Variants in CCDC148 observed in about 807,000 individuals in gnomAD.
The protein encoded by CCDC148 is coiled-coil domain-containing protein 148.
In CCDC148, 89 loss-of-function variants were observed where a neutral mutation model predicts 85.7. That is an observed-to-expected ratio of 1.04 (90% confidence interval 0.87 to 1.24). CCDC148 has a LOEUF of 1.24. CCDC148 is among the 50% of genes most tolerant of loss of function. The pLI is 0.00. For synonymous variants in CCDC148, 230 were observed against 213.9 expected, an observed-to-expected ratio of 1.08 and a Z score of -0.66; for missense variants, 692 against 671.7, an observed-to-expected ratio of 1.03 and a Z score of -0.33.
intron 10 of CCDC148, among the ~76,000 whole-genome samples, chr2:158,227,418 G>A (rs991505896): frequency 6.6e-6 from 1 of 152,000 alleles, no homozygotes; most frequent in African/African-American, 2.4e-5. Flanking sequence ...TCCCCATCAA[G>A]CTACCAATGA....
chr2:158,231,810 C>T lies in CCDC148; in HGVS notation c.1252-11097G>A, dbSNP rs188762801. ...GAATAACAAAGTTGTACATGGGAAC[C>T]GGGCCAACAGTTTTCTTTTCAGGAT... On this transcript the variant is annotated intron_variant, in intron 10 of 13. Transcript: ENST00000283233. Among the ~76,000 whole-genome samples, 207 of 152,230 alleles carry T rather than the reference C, an allele frequency of 1.4e-3. 1 individual carries two copies. Among genetic ancestry groups the T allele is most frequent in the Non-Finnish European group, 2.5e-3 (172 of 67,994 alleles).
intron 1 of CCDC148, among the ~76,000 whole-genome samples, chr2:158,426,049 A>C (rs1210533554): frequency 6.6e-6 from 1 of 151,910 alleles, no homozygotes. Flanking sequence ...AATTATAATC[A>C]TAACACCATG....
intron 1 of CCDC148, among the ~76,000 whole-genome samples, chr2:158,435,952 T>C (rs975715790): frequency 6.6e-6 from 1 of 152,120 alleles, no homozygotes; most frequent in African/African-American, 2.4e-5. Flanking sequence ...ATGCACCCAA[T>C]ACAGGAGCAC....
intron 9 of CCDC148, among the ~76,000 whole-genome samples, chr2:158,308,449 T>C (rs1691802195): frequency 6.8e-6 from 1 of 146,960 alleles, no homozygotes; most frequent in African/African-American, 2.5e-5. Flanking sequence ...GCTTATGCAA[T>C]GTCAAAAGAA....
chr2:158,258,894 G>T (rs758477055), intron 9 of CCDC148, among the ~76,000 whole-genome samples: 1 of 151,706 alleles, frequency 6.6e-6, no homozygotes, highest in Non-Finnish European at 1.5e-5. Flanking sequence ...AGTTTCTACT[G>T]CTCATGGGGT....
chr2:158,390,672 G>A (rs1225938597), intron 1 of CCDC148, among the ~76,000 whole-genome samples: 2 of 152,192 alleles, frequency 1.3e-5, no homozygotes, highest in Non-Finnish European at 2.9e-5. Context: ...CAGGTCTGCA[G>A]TGAGCATGAA....
chr2:158,176,721 C>A (rs1331675640), intron 12 of CCDC148, 60 bp from the exon 13 acceptor site: 1 of 1,580,942 alleles, frequency 6.3e-7, no homozygotes, highest in Non-Finnish European at 8.6e-7. Context: ...TTCTGGGCAA[C>A]ATTATTGATG....
intron 9 of CCDC148, among the ~76,000 whole-genome samples, chr2:158,269,834 A>C (rs1220757341): frequency 2.0e-5 from 3 of 152,214 alleles, no homozygotes; most frequent in African/African-American, 7.2e-5. Context: ...CCTGCACATA[A>C]GCCCTTGTCT....
At chr2:158,300,499 T>C (rs530603259) in intron 9 of CCDC148, among the ~76,000 whole-genome samples, 73 of 152,286 alleles carry the variant, frequency 4.8e-4, no homozygotes, top group Admixed American at 2.0e-3. Flanking sequence ...TAGTCAGGGA[T>C]TCAACAAAGT....
chr2:158,440,375 T>A (rs1687879933), intron 1 of CCDC148, among the ~76,000 whole-genome samples: 4 of 152,034 alleles, frequency 2.6e-5, no homozygotes, highest in Non-Finnish European at 4.4e-5. Flanking sequence ...AAACTGTACA[T>A]AAATATACAT....
chr2:158,401,278 T>C (rs912436427), intron 1 of CCDC148, among the ~76,000 whole-genome samples: 2 of 152,138 alleles, frequency 1.3e-5, no homozygotes, highest in African/African-American at 4.8e-5. Flanking sequence ...CTATTCACAA[T>C]AGCAAAGACT....
At chr2:158,239,168 C>A (rs1398776375) in intron 10 of CCDC148, among the ~76,000 whole-genome samples, 3 of 152,060 alleles carry the variant, frequency 2.0e-5, no homozygotes, top group African/African-American at 4.8e-5. Context: ...CAAGACCTAG[C>A]CAGAAAGTAC....
chr2:158,442,115 T>C lies in CCDC148; in HGVS notation c.25+14300A>G, dbSNP rs1015983667. On this transcript the variant is annotated intron_variant, in intron 1 of 13. Coordinates refer to ENST00000283233, the MANE Select transcript of CCDC148 (RefSeq NM_138803.4). ...GCTGTATTTAAAAAATTTGCTTTGATAGACAATAGAAAAAGAGCTCTGTTA... is the reference window on the plus strand; with the variant it reads ...GCTGTATTTAAAAAATTTGCTTTGACAGACAATAGAAAAAGAGCTCTGTTA... 3.9e-5 allele frequency among the ~76,000 whole-genome samples: 6 copies of C among 152,290 alleles called. No individual in the cohort carries two copies. In the East Asian group the frequency reaches 1.2e-3, roughly 29 times the overall value.
intron 7 of CCDC148, among the ~76,000 whole-genome samples, chr2:158,332,102 T>C (rs112743171): frequency 1.3e-5 from 2 of 151,914 alleles, no homozygotes; most frequent in East Asian, 1.9e-4. Context: ...TTCCTAGCCT[T>C]GATGGTCTTT....
chr2:158,184,914 T>A (rs566712737), intron 11 of CCDC148, among the ~76,000 whole-genome samples: 2 of 152,288 alleles, frequency 1.3e-5, no homozygotes, highest in East Asian at 3.9e-4. Context: ...AGTTTCCAGG[T>A]GATGCTGATT....
chr2:158,380,308 A>G (rs1574723532), intron 1 of CCDC148, among the ~76,000 whole-genome samples: 2 of 152,290 alleles, frequency 1.3e-5, no homozygotes, highest in Admixed American at 1.3e-4. Flanking sequence ...AGACAATAGT[A>G]CTGTAAAAGA....
chr2:158,180,115 A>G (rs1245953380), intron 11 of CCDC148, among the ~76,000 whole-genome samples: 1 of 152,116 alleles, frequency 6.6e-6, no homozygotes, highest in Non-Finnish European at 1.5e-5. Flanking sequence ...GCCTTTCATC[A>G]TTGAAAGATT....
rs185692447 is a variant in CCDC148, at chr2:158,386,792, A to G, written c.26-28222T>C. Among the ~76,000 whole-genome samples the G allele has an allele frequency of 6.6e-5, 10 of 152,124 alleles. 1 individual carries two copies. Among genetic ancestry groups the G allele is most frequent in the Admixed American group, 5.2e-4 (8 of 15,276 alleles). On this transcript the variant is annotated intron_variant, in intron 1 of 13. Coordinates refer to ENST00000283233, the MANE Select transcript of CCDC148 (RefSeq NM_138803.4). ...CAGGGATTTTCCCCTCATCCTTCCC[A>G]TACTCCTTCCCACATATTCTACCTC...
Position 158,456,503 on chromosome 2 carries a change from C to G in CCDC148, c.-64G>C, listed in dbSNP as rs569406169. The G allele has an allele frequency of 6.3e-7, 1 of 1,576,436 alleles. No homozygotes were observed. The highest frequency in any genetic ancestry group is 2.3e-5 in the East Asian group (1 of 43,566). ...ACGCAGGAAAAGTGAAACGCCCACT[C>G]CTGGGCTCTCGCCGTCAGGGGTACA... On this transcript the variant is annotated 5_prime_UTR_variant, in exon 1 of 14. Coordinates refer to ENST00000283233, the MANE Select transcript of CCDC148 (RefSeq NM_138803.4).
Sources: gnomAD v4.1 joint callset for allele counts (sites outside exome capture counted in the v4.1 genomes callset) on GRCh38, gnomAD v4.1.1 for gene constraint, MANE v1.5 for transcripts, NCBI Gene and HGNC (gene_info 2026-07-23, HGNC 2026-07-21) for gene names.